ARHGEF9: variants seen among roughly 807,000 people sequenced by gnomAD.
The protein encoded by ARHGEF9 is Cdc42 guanine nucleotide exchange factor 9.
In ARHGEF9, 2 loss-of-function variants were observed where a neutral mutation model predicts 41.3. The observed-to-expected ratio is 0.05, with a 90% CI of 0.02 to 0.15. The LOEUF (loss-of-function observed/expected upper bound fraction) is 0.15. Ranked by LOEUF, ARHGEF9 falls within the 10% of genes least tolerant of loss-of-function variation. The probability of loss-of-function intolerance (pLI) is 1.00; values close to 1 mark genes in which losing one functional copy is unlikely to be tolerated. For synonymous variants in ARHGEF9, 160 were observed against 154.4 expected (o/e 1.04, Z -0.27); for missense variants, 225 against 424.7 (o/e 0.53, Z 4.13).
chrX:63,716,723 C>T (rs1241604034), intron 2 of ARHGEF9, among the ~76,000 whole-genome samples: 1 of 111,494 alleles, frequency 9.0e-6, no homozygotes, highest in African/African-American at 3.3e-5. Flanking sequence ...AACAAACCAC[C>T]CTCTGTCTGC....
At chrX:63,733,852 C>T (rs782404691) in intron 1 of ARHGEF9, among the ~76,000 whole-genome samples, 13 of 112,035 alleles carry the variant, frequency 1.2e-4, no homozygotes, top group Non-Finnish European at 2.1e-4. Context: ...GGTCATAAGC[C>T]GATTCACACT....
intron 6 of ARHGEF9, among the ~76,000 whole-genome samples, chrX:63,672,100 G>C (rs1556356317): frequency 9.0e-6 from 1 of 110,851 alleles, no homozygotes; most frequent in African/African-American, 3.3e-5. Flanking sequence ...AGGCAGTCAT[G>C]AATTAAATGG....
chrX:63,756,539 G>C (rs2055934238), intron 1 of ARHGEF9, among the ~76,000 whole-genome samples: 2 of 112,348 alleles, frequency 1.8e-5, no homozygotes, highest in South Asian at 7.3e-4. Context: ...GATGAGCTTT[G>C]AAAACATGCT....
chrX:63,710,042 A>T (rs1208547118), intron 2 of ARHGEF9, among the ~76,000 whole-genome samples: 3 of 111,039 alleles, frequency 2.7e-5, no homozygotes, highest in African/African-American at 3.3e-5. Context: ...AATAGAAAAA[A>T]TAGATTAAAA....
At chrX:63,671,610 C>G (rs1400680024) in intron 6 of ARHGEF9, 1 of 112,643 alleles carries the variant, frequency 8.9e-6, no homozygotes, top group Non-Finnish European at 1.9e-5. Context: ...AGCTTTGTCA[C>G]TGACTTGCTG....
intron 2 of ARHGEF9, chrX:63,707,548 G>T (rs1445133178): frequency 2.7e-5 from 3 of 110,511 alleles, no homozygotes; most frequent in Non-Finnish European, 5.7e-5. Context: ...GCTTGGCAGA[G>T]TGACAAAATC....
chrX:63,757,552 C>A (rs1451497284), intron 1 of ARHGEF9, among the ~76,000 whole-genome samples: 2 of 110,716 alleles, frequency 1.8e-5, no homozygotes, highest in African/African-American at 6.6e-5. Flanking sequence ...CAAGTTTTTT[C>A]TCTCCCTCAC....
chrX:63,682,172 T>A (rs1180533308), intron 4 of ARHGEF9, among the ~76,000 whole-genome samples: 1 of 106,482 alleles, frequency 9.4e-6, no homozygotes, highest in African/African-American at 3.4e-5. Flanking sequence ...AATAAATAAA[T>A]AAAAGAACTA....
chrX:63,735,251 C>T (rs1556422104), intron 1 of ARHGEF9, among the ~76,000 whole-genome samples: 2 of 111,654 alleles, frequency 1.8e-5, no homozygotes, highest in African/African-American at 3.3e-5. Flanking sequence ...TTCATGTAGT[C>T]GCCTTAGGAC....
At chrX:63,769,249 C>T (rs1484447028) in intron 1 of ARHGEF9, among the ~76,000 whole-genome samples, 18 of 110,075 alleles carry the variant, frequency 1.6e-4, no homozygotes, top group South Asian at 7.7e-4. Flanking sequence ...AAGAAACTGG[C>T]GGCATTTTGC....
intron 1 of ARHGEF9, chrX:63,736,857 A>C (rs2054640869): frequency 8.9e-6 from 1 of 111,997 alleles, no homozygotes; most frequent in African/African-American, 3.2e-5. Flanking sequence ...AAAACAAGAA[A>C]CACCTATCCC....
chrX:63,716,396 G>C (rs1402971467), intron 2 of ARHGEF9, among the ~76,000 whole-genome samples: 2 of 111,062 alleles, frequency 1.8e-5, no homozygotes, highest in Non-Finnish European at 3.8e-5. Flanking sequence ...AGTGAGATTT[G>C]GCAAAGGTAA....
intron 4 of ARHGEF9, among the ~76,000 whole-genome samples, chrX:63,686,040 C>A (rs1254595264): frequency 9.0e-6 from 1 of 111,615 alleles, no homozygotes; most frequent in Non-Finnish European, 1.9e-5. Flanking sequence ...GAAAATAAAT[C>A]ATTATATCAA....
intron 6 of ARHGEF9, among the ~76,000 whole-genome samples, chrX:63,667,979 C>T (rs572794060): frequency 9.0e-6 from 1 of 110,842 alleles, no homozygotes; most frequent in Admixed American, 9.6e-5. Flanking sequence ...TGTATGAAGT[C>T]CAATAAAGCC....
chrX:63,685,812 G>C (rs1163147588), intron 4 of ARHGEF9, among the ~76,000 whole-genome samples: 1 of 111,229 alleles, frequency 9.0e-6, no homozygotes, highest in Non-Finnish European at 1.9e-5. Context: ...GGGATCATAG[G>C]CCTAAATGTA....
At chrX:63,677,377 C>A (rs1309607588) in intron 5 of ARHGEF9, among the ~76,000 whole-genome samples, 1 of 111,987 alleles carries the variant, frequency 8.9e-6, no homozygotes, top group Non-Finnish European at 1.9e-5. Context: ...AATCTTCTCC[C>A]TCAGGGGCCA....
At chrX:63,776,184 G>A (rs1454080742) in intron 1 of ARHGEF9, among the ~76,000 whole-genome samples, 1 of 110,459 alleles carries the variant, frequency 9.1e-6, no homozygotes, top group Non-Finnish European at 1.9e-5. Flanking sequence ...CTCTAGACCA[G>A]AGGTGAGAGA....
chrX:63,772,791 C>A (rs1556455710), intron 1 of ARHGEF9, among the ~76,000 whole-genome samples: 2 of 111,234 alleles, frequency 1.8e-5, no homozygotes, highest in Non-Finnish European at 3.8e-5. Context: ...GCCACTTGTC[C>A]CCCTCTCTCA....
intron 4 of ARHGEF9, among the ~76,000 whole-genome samples, chrX:63,691,975 T>TA (rs1556381934): frequency 9.0e-6 from 1 of 111,602 alleles, no homozygotes; most frequent in East Asian, 2.8e-4. Context: ...CTCTTCAACT[T>TA]ATGTTCTTGG....
Sources: allele counts gnomAD v4.1 joint callset (sites outside exome capture counted in the v4.1 genomes callset), GRCh38; gene constraint gnomAD v4.1.1; transcripts MANE v1.5; gene names NCBI Gene and HGNC (gene_info 2026-07-23, HGNC 2026-07-21).